PPP1R42: variants seen among roughly 807,000 people sequenced by gnomAD.
The protein encoded by PPP1R42 is protein phosphatase 1 regulatory subunit 42, also known as leucine rich repeat containing 67.
PPP1R42 carries 34 observed loss-of-function variants against 31.0 expected under a neutral mutation model. The observed-to-expected ratio is 1.10, with a 90% CI of 0.83 to 1.46. The LOEUF is 1.46. Ranked by LOEUF, PPP1R42 falls within the 40% of genes most tolerant of loss-of-function variation. The pLI is 0.00. For synonymous variants in PPP1R42, 103 were observed against 109.8 expected, an observed-to-expected ratio of 0.94 and a Z score of 0.39; for missense variants, 268 against 303.0, an observed-to-expected ratio of 0.88 and a Z score of 0.86.
intron 7 of PPP1R42, among the ~76,000 whole-genome samples, chr8:66,975,909 A>G (rs1814657491): frequency 6.6e-6 from 1 of 152,186 alleles, no homozygotes; most frequent in South Asian, 2.1e-4. Context: ...TTGAAACTAT[A>G]TATGATTGTT....
chr8:67,000,935 C>T (rs147849073), intron 5 of PPP1R42, among the ~76,000 whole-genome samples: 6 of 152,260 alleles, frequency 3.9e-5, no homozygotes, highest in Non-Finnish European at 8.8e-5. Flanking sequence ...TTGTCCATTT[C>T]TCCTTTTACT....
chr8:67,027,625 T>C (rs1585697682), intron 1 of PPP1R42, among the ~76,000 whole-genome samples: 1 of 152,236 alleles, frequency 6.6e-6, no homozygotes, highest in South Asian at 2.1e-4. Context: ...TTAAACTGTA[T>C]TGGTAGTTTT....
At chr8:66,969,776 G>T (rs1814491070) in intron 7 of PPP1R42, among the ~76,000 whole-genome samples, 1 of 152,150 alleles carries the variant, frequency 6.6e-6, no homozygotes, top group Non-Finnish European at 1.5e-5. Flanking sequence ...TCCAAAGTAT[G>T]TCCCCTGGCT....
At chr8:67,003,028 G>T (rs1815550628) in intron 5 of PPP1R42, among the ~76,000 whole-genome samples, 1 of 150,516 alleles carries the variant, frequency 6.6e-6, no homozygotes, top group Admixed American at 6.6e-5. Context: ...AGCTGGGCGT[G>T]GTGGCGGGTG....
At chr8:67,024,144 C>CAA (rs995179753) in intron 1 of PPP1R42, among the ~76,000 whole-genome samples, 1 of 146,534 alleles carries the variant, frequency 6.8e-6, no homozygotes, top group Non-Finnish European at 1.5e-5. Flanking sequence ...GACTCCATCT[C>CAA]AAAAAAAAAC....
chr8:66,977,582 T>C (rs550936150), intron 7 of PPP1R42, among the ~76,000 whole-genome samples: 1 of 152,264 alleles, frequency 6.6e-6, no homozygotes, highest in East Asian at 1.9e-4. Context: ...CTTGGCTCAC[T>C]GCAGCCTCCG....
chr8:66,968,361 AG>A (rs1269331540), intron 7 of PPP1R42: 1 of 461,078 alleles, frequency 2.2e-6, no homozygotes, highest in Non-Finnish European at 2.9e-6. Context: ...ATACAGGCAC[AG>A]CCCCCAGTGT....
intron 7 of PPP1R42, among the ~76,000 whole-genome samples, chr8:66,966,473 G>A (rs1425702261): frequency 6.6e-6 from 1 of 152,142 alleles, no homozygotes; most frequent in African/African-American, 2.4e-5. Flanking sequence ...TCTTAAAAGA[G>A]TTCCGTTGTC....
intron 5 of PPP1R42, among the ~76,000 whole-genome samples, chr8:67,004,089 C>CAAA (rs773648040): frequency 9.7e-6 from 1 of 102,640 alleles, no homozygotes; most frequent in Non-Finnish European, 2.1e-5. Flanking sequence ...GACTCCGTCT[C>CAAA]AAAAAAAAAA....
At position 66,970,841 on chromosome 8, in the gene PPP1R42, C is replaced by G. The variant is rs150919837; in HGVS notation, c.803-6507G>C. ...CCAACAATGAACTTTTTTTTTCTTT[C>G]TTTCTATGTTTGGCCAAAAAGGATT... On this transcript the variant is annotated intron_variant, in intron 7 of 7. Transcript: ENST00000685739. 318 of 732,346 alleles carry G rather than the reference C, an allele frequency of 4.3e-4. 3 individuals are homozygous for G. In the East Asian group the frequency reaches 8.8e-3, roughly 20 times the overall value. The allele number at this position is 732,346 out of a possible 1,614,324, so 45.4% of individuals were successfully genotyped here. A position where few individuals can be genotyped will look rare whatever the true frequency, so the allele number is the denominator to read the frequency against.
intron 5 of PPP1R42, among the ~76,000 whole-genome samples, chr8:67,005,150 T>G (rs1290938463): frequency 6.6e-6 from 1 of 151,646 alleles, no homozygotes; most frequent in Non-Finnish European, 1.5e-5. Context: ...TTGTGGTTTT[T>G]GACCCACAGA....
chr8:66,999,630 A>G (rs1340191183), intron 5 of PPP1R42, among the ~76,000 whole-genome samples: 2 of 152,232 alleles, frequency 1.3e-5, no homozygotes, highest in Non-Finnish European at 2.9e-5. Flanking sequence ...GGTTACAGGC[A>G]TGAGCCACTG....
chr8:66,980,924 C>A (rs1478811496), intron 7 of PPP1R42, among the ~76,000 whole-genome samples: 1 of 151,980 alleles, frequency 6.6e-6, no homozygotes, highest in Non-Finnish European at 1.5e-5. Context: ...CTCACTGCAA[C>A]CTCCACCTCC....
intron 7 of PPP1R42, among the ~76,000 whole-genome samples, chr8:66,981,041 C>A (rs945425124): frequency 6.6e-6 from 1 of 151,980 alleles, no homozygotes; most frequent in East Asian, 1.9e-4. Flanking sequence ...AGGGTTTCAC[C>A]GTGTTGACCA....
intron 5 of PPP1R42, among the ~76,000 whole-genome samples, 162 bp from the exon 6 acceptor site, chr8:66,988,679 T>C (rs571462025): frequency 6.9e-4 from 105 of 152,242 alleles, no homozygotes; most frequent in Non-Finnish European, 1.2e-3. Flanking sequence ...AATAAAACAA[T>C]CTATACTGAT....
intron 6 of PPP1R42, chr8:66,984,338 G>T: frequency 7.8e-7 from 1 of 1,274,470 alleles, no homozygotes; most frequent in Non-Finnish European, 1.1e-6. Flanking sequence ...GGTTCCTCAT[G>T]ATCATCTCCC....
chr8:67,025,718 C>T (rs937047766), intron 1 of PPP1R42, among the ~76,000 whole-genome samples: 1 of 152,016 alleles, frequency 6.6e-6, no homozygotes, highest in African/African-American at 2.4e-5. Context: ...AGAAAAAGGA[C>T]AGTAGGCCGG....
chr8:66,985,882 A>T (rs532490594), intron 6 of PPP1R42: 1 of 1,065,094 alleles, frequency 9.4e-7, no homozygotes, highest in African/African-American at 1.6e-5. Context: ...CCTTCTCAAA[A>T]TGGGGTATTT....
At chr8:67,026,923 T>G (rs142548419) in intron 1 of PPP1R42, 1 of 147,850 alleles carries the variant, frequency 6.8e-6, no homozygotes, top group East Asian at 2.0e-4. Flanking sequence ...TTTCCTGAGA[T>G]GGAGTCTTGG....
Sources: gnomAD v4.1 joint callset for allele counts (sites outside exome capture counted in the v4.1 genomes callset) on GRCh38, gnomAD v4.1.1 for gene constraint, MANE v1.5 for transcripts, NCBI Gene and HGNC (gene_info 2026-07-23, HGNC 2026-07-21) for gene names.